FGF9: variants seen among roughly 807,000 people sequenced by gnomAD.
FGF9 encodes the protein fibroblast growth factor 9, also known as fibroblast growth factor 9 (glia-activating factor).
FGF9 carries 3 observed loss-of-function variants against 19.9 expected under a neutral mutation model. The ratio of observed to expected loss-of-function variants is 0.15; its 90% CI spans 0.07 to 0.39. The LOEUF is 0.39. FGF9 is among the 10% of genes least tolerant of loss of function. The pLI is 1.00. For synonymous variants in FGF9, 107 were observed against 106.9 expected (o/e 1.00, Z -0.01); for missense variants, 175 against 256.8 (o/e 0.68, Z 2.18).
At chr13:21,675,669 C>T (rs558168265) in intron 1 of FGF9, among the ~76,000 whole-genome samples, 10 of 152,308 alleles carry the variant, frequency 6.6e-5, no homozygotes, top group African/African-American at 2.4e-4. Context: ...AAAAGAGTAA[C>T]TGTAGGTGGG....
intron 2 of FGF9, among the ~76,000 whole-genome samples, chr13:21,689,346 C>G (rs9552467): frequency 0.31 from 47,663 of 152,136 alleles, 8,609 homozygotes; most frequent in East Asian, 0.44. Context: ...GGTGACTGTG[C>G]TTCCCATGGT....
chr13:21,676,926 C>A (rs951297819), intron 1 of FGF9, among the ~76,000 whole-genome samples: 37 of 152,128 alleles, frequency 2.4e-4, no homozygotes, highest in African/African-American at 8.2e-4. Flanking sequence ...CTGGGGCAGC[C>A]CATCAGCTCT....
At chr13:21,688,175 C>T (rs769547581) in intron 2 of FGF9, among the ~76,000 whole-genome samples, 4 of 152,220 alleles carry the variant, frequency 2.6e-5, no homozygotes, top group Non-Finnish European at 5.9e-5. Flanking sequence ...GGATACCACA[C>T]CACATGGCAA....
intron 2 of FGF9, among the ~76,000 whole-genome samples, chr13:21,688,732 C>T (rs966800171): frequency 2.0e-5 from 3 of 149,422 alleles, no homozygotes; most frequent in African/African-American, 7.3e-5. Context: ...ATATTTCTTA[C>T]ACAGATGTGA....
intron 2 of FGF9, among the ~76,000 whole-genome samples, chr13:21,688,195 A>G (rs1025277783): frequency 1.3e-5 from 2 of 152,224 alleles, no homozygotes; most frequent in Non-Finnish European, 2.9e-5. Flanking sequence ...AGGACCACTC[A>G]GCTTCTGATT....
At chr13:21,679,586 A>G (rs574532804) in intron 1 of FGF9, among the ~76,000 whole-genome samples, 76 of 152,214 alleles carry the variant, frequency 5.0e-4, no homozygotes, top group Non-Finnish European at 9.1e-4. Flanking sequence ...TAAGGTCTAC[A>G]TAAAATGTAG....
Position 21,689,256 on chromosome 13 carries a change from T to C in FGF9, c.381+8111T>C, listed in dbSNP as rs575860698. On this transcript the variant is annotated intron_variant, in intron 2 of 2. Transcript: ENST00000382353. ...AGCCTGATAAGAGAGCCTGAGAGAG[T>C]AGTTTTGGGAAGCCCTGAGTCAGAT... Among the ~76,000 whole-genome samples, 11 of 151,974 alleles carry C rather than the reference T, an allele frequency of 7.2e-5. No individual in the cohort carries two copies. In the South Asian group the frequency reaches 2.3e-3, roughly 32 times the overall value.
At chr13:21,674,909 A>T (rs546325293) in intron 1 of FGF9, among the ~76,000 whole-genome samples, 1 of 151,268 alleles carries the variant, frequency 6.6e-6, no homozygotes, top group Non-Finnish European at 1.5e-5. Flanking sequence ...AGAAACCGTT[A>T]AACAAAAAGC....
At chr13:21,678,002 G>A (rs565085863) in intron 1 of FGF9, among the ~76,000 whole-genome samples, 2 of 152,298 alleles carry the variant, frequency 1.3e-5, no homozygotes, top group Non-Finnish European at 2.9e-5. Context: ...TTGCCACACT[G>A]TTGTTATATT....
chr13:21,680,178 A>T (rs535675706), intron 1 of FGF9, among the ~76,000 whole-genome samples: 13 of 152,310 alleles, frequency 8.5e-5, no homozygotes, highest in African/African-American at 3.1e-4. Flanking sequence ...ACAGCATTCC[A>T]TGCCTACTTT....
chr13:21,688,391 T>G (rs1417261233), intron 2 of FGF9, among the ~76,000 whole-genome samples: 1 of 152,252 alleles, frequency 6.6e-6, no homozygotes, highest in Non-Finnish European at 1.5e-5. Flanking sequence ...CATTGCCTTA[T>G]GCTGTGTTTC....
At position 21,703,439 on chromosome 13, in the gene FGF9, G is replaced by A. The variant is rs1303057489; in HGVS notation, c.*2004G>A. The A allele has an allele frequency of 6.6e-6, 1 of 152,158 alleles. No individual in the cohort carries two copies. The highest frequency in any genetic ancestry group is 2.4e-5 in the African/African-American group (1 of 41,432). 9.4% of individuals were successfully genotyped at this position (152,158 alleles called of 1,614,324 possible). A position where few individuals can be genotyped will look rare whatever the true frequency, so the allele number is the denominator to read the frequency against. On this transcript the variant is annotated 3_prime_UTR_variant, in exon 3 of 3. Transcript: ENST00000382353. ...TTTGGAATTAAGATATATTTTAGGGGGAGGGGACAGAAGCAATGTAAAATA... is the reference window on the plus strand; with the variant it reads ...TTTGGAATTAAGATATATTTTAGGGAGAGGGGACAGAAGCAATGTAAAATA...
Position 21,702,003 on chromosome 13 carries a change from A to C in FGF9, c.*568A>C, listed in dbSNP as rs1010697291. On this transcript the variant is annotated 3_prime_UTR_variant, in exon 3 of 3. Coordinates refer to ENST00000382353, the MANE Select transcript of FGF9 (RefSeq NM_002010.3). ...TCTTAGTAAAAAATAAAAAAAAATA[A>C]AAAATAAAAATAAAAAAAGTTAAAT... is the stretch of plus-strand genomic sequence containing the variant. 3.3e-5 allele frequency: 5 copies of C among 151,612 alleles called. No individual in the cohort carries two copies. The highest frequency in any genetic ancestry group is 5.9e-5 in the Non-Finnish European group (4 of 67,912). 9.4% of individuals were successfully genotyped at this position (151,612 alleles called of 1,614,324 possible).
At position 21,701,618 on chromosome 13, in the gene FGF9, T is replaced by G; in HGVS notation, c.*183T>G. The G allele has an allele frequency of 1.2e-6, 1 of 800,548 alleles. No individual in the cohort carries two copies. The highest frequency in any genetic ancestry group is 2.0e-6 in the Non-Finnish European group (1 of 506,728). 49.6% of individuals were successfully genotyped at this position (800,548 alleles called of 1,614,324 possible). ...CTGATTTTGTTCTGCACTTAAAGGC[T>G]TCTCCTCCTGGAGGGCTGCCTAGGG... On this transcript the variant is annotated 3_prime_UTR_variant, in exon 3 of 3. Coordinates refer to ENST00000382353, the MANE Select transcript of FGF9 (RefSeq NM_002010.3).
chr13:21,701,588 A>G lies in FGF9; in HGVS notation c.*153A>G. The G allele has an allele frequency of 5.5e-6, 6 of 1,090,006 alleles. No homozygotes were observed. The highest frequency in any genetic ancestry group is 5.1e-5 in the East Asian group (2 of 39,296). 67.5% of individuals were successfully genotyped at this position (1,090,006 alleles called of 1,614,324 possible). On this transcript the variant is annotated 3_prime_UTR_variant, in exon 3 of 3. Transcript: ENST00000382353. ...ATGTATGATGGAGGCTTGGATGGGA[A>G]TATGCTGATTTTGTTCTGCACTTAA...
intron 2 of FGF9, among the ~76,000 whole-genome samples, chr13:21,695,554 T>C (rs1377813955): frequency 3.9e-5 from 6 of 152,186 alleles, no homozygotes; most frequent in African/African-American, 1.2e-4. Context: ...TTCTGTGTAG[T>C]TGGGGACTTC....
Position 21,698,051 on chromosome 13 carries a change from G to A in FGF9, c.382-3139G>A, listed in dbSNP as rs546795348. 5.0e-4 allele frequency among the ~76,000 whole-genome samples: 76 copies of A among 152,144 alleles called. No individual in the cohort carries two copies. The South Asian group carries it at 9.2e-3, about 18-fold the overall frequency. ...TCTCGATCTCCTGACCTCGTGATCC[G>A]CCCGCCTCGGCCTCCCAAAGTGCTG... On this transcript the variant is annotated intron_variant, in intron 2 of 2. Transcript: ENST00000382353.
intron 2 of FGF9, among the ~76,000 whole-genome samples, chr13:21,695,564 C>T (rs1872388651): frequency 1.3e-5 from 2 of 152,098 alleles, no homozygotes; most frequent in South Asian, 4.2e-4. Context: ...TTGGGGACTT[C>T]TCCCATGAGA....
chr13:21,687,084 G>A (rs1286413126), intron 2 of FGF9, among the ~76,000 whole-genome samples: 3 of 152,162 alleles, frequency 2.0e-5, no homozygotes, highest in African/African-American at 2.4e-5. Context: ...GGTTTATATG[G>A]CTCCATGTAA....
Sources: allele counts gnomAD v4.1 joint callset (sites outside exome capture counted in the v4.1 genomes callset), GRCh38; gene constraint gnomAD v4.1.1; transcripts MANE v1.5; gene names NCBI Gene and HGNC (gene_info 2026-07-23, HGNC 2026-07-21).